MYCBP2: variants seen among roughly 807,000 people sequenced by gnomAD.
MYCBP2 encodes E3 ubiquitin-protein ligase MYCBP2.
MYCBP2 carries 120 observed loss-of-function variants against 525.3 expected under a neutral mutation model. That is an observed-to-expected ratio of 0.23 (90% CI 0.20 to 0.27). The LOEUF (loss-of-function observed/expected upper bound fraction) is 0.27, where lower values mean the gene tolerates loss of function less well. Among genes scored for constraint, MYCBP2 ranks in the 10% least tolerant of loss-of-function variants. The pLI, the probability that MYCBP2 is intolerant of heterozygous loss-of-function variation, is 1.00. For missense variants in MYCBP2, 4,149 were observed against 5,657.1 expected (o/e 0.73, Z 8.55); for synonymous variants, 1,894 against 1,955.8 (o/e 0.97, Z 0.83).
chr13:77,323,176 T>C (rs2081903980), intron 1 of MYCBP2, among the ~76,000 whole-genome samples: 1 of 152,208 alleles, frequency 6.6e-6, no homozygotes, highest in African/African-American at 2.4e-5. Context: ...ATAGAAGTTA[T>C]GTAATATACT....
Position 77,168,599 on chromosome 13 carries a change from A to C in MYCBP2, c.5943T>G (p.Val1981=). 1.2e-6 allele frequency: 2 copies of C among 1,614,198 alleles called. No individual in the cohort carries two copies. The highest frequency in any genetic ancestry group is 1.7e-6 in the Non-Finnish European group (2 of 1,180,034). ...GTGCATACTTCTGATTCAAAATGGCAACTGACGGAAGCAATTGTTGGACAA... is the reference window on the plus strand; with the variant it reads ...GTGCATACTTCTGATTCAAAATGGCCACTGACGGAAGCAATTGTTGGACAA... The part of the protein sequence containing the change: ...FGLVQQLLPS[V]AILNQKYAPP... The change falls in exon 40 of 83, where the codon GTT becomes GTG. Residue 1981 remains valine, a synonymous_variant. Transcript: ENST00000544440.
At chr13:77,251,119 C>T (rs774034902) in intron 15 of MYCBP2, 32 bp downstream of exon 15, 1 of 1,597,960 alleles carries the variant, frequency 6.3e-7, no homozygotes, top group Non-Finnish European at 8.6e-7. Flanking sequence ...GTGTTCTGCA[C>T]ATGTTCTTTA....
At chr13:77,303,732 A>T (rs965158332) in intron 1 of MYCBP2, among the ~76,000 whole-genome samples, 4 of 152,080 alleles carry the variant, frequency 2.6e-5, no homozygotes, top group Non-Finnish European at 5.9e-5. Flanking sequence ...TACTTCCACA[A>T]AATGCATCTC....
intron 26 of MYCBP2, among the ~76,000 whole-genome samples, chr13:77,204,105 A>G (rs2062981879): frequency 6.7e-6 from 1 of 150,166 alleles, no homozygotes; most frequent in Non-Finnish European, 1.5e-5. Context: ...CAGAGTGAAC[A>G]GGCAACCTAC....
intron 45 of MYCBP2, 129 bp downstream of exon 45, chr13:77,157,808 C>A (rs544874072): frequency 1.4e-6 from 1 of 726,924 alleles, no homozygotes; most frequent in East Asian, 2.9e-5. Context: ...TTTTATATTT[C>A]AGCAAGTTAA....
At chr13:77,185,471 G>C (rs2060634225) in intron 31 of MYCBP2, 94 bp from the exon 32 acceptor site, 1 of 1,247,422 alleles carries the variant, frequency 8.0e-7, no homozygotes, top group Non-Finnish European at 1.1e-6. Flanking sequence ...ATACAGCTAA[G>C]TATCACAAGT....
At chr13:77,275,990 C>CA (rs2075522363) in intron 4 of MYCBP2, among the ~76,000 whole-genome samples, 3 of 151,914 alleles carry the variant, frequency 2.0e-5, no homozygotes, top group African/African-American at 7.2e-5. Flanking sequence ...TCTCAAAAAA[C>CA]AAAAAAGGAC....
chr13:77,063,162 C>T lies in MYCBP2; in HGVS notation c.12673-465G>A, dbSNP rs533659826. 6.6e-5 allele frequency among the ~76,000 whole-genome samples: 10 copies of T among 152,254 alleles called. No homozygotes were observed. In the East Asian group the frequency reaches 9.7e-4, roughly 15 times the overall value. Reference sequence around the variant, plus strand: ...AAATCCTTCTAGATAATAAAAGTTCCTCAGAAGTCTTTGTTGCCCCTTGTT... The same window carrying T: ...AAATCCTTCTAGATAATAAAAGTTCTTCAGAAGTCTTTGTTGCCCCTTGTT... On this transcript the variant is annotated intron_variant, in intron 73 of 82. Coordinates refer to ENST00000544440, the MANE Select transcript of MYCBP2 (RefSeq NM_015057.5).
intron 26 of MYCBP2, among the ~76,000 whole-genome samples, chr13:77,196,797 C>A (rs764980515): frequency 1.3e-5 from 2 of 152,098 alleles, no homozygotes; most frequent in African/African-American, 4.8e-5. Context: ...CGTGGAGACA[C>A]AGCGTAGGCT....
At chr13:77,248,741 G>A (rs969746863) in intron 15 of MYCBP2, among the ~76,000 whole-genome samples, 19 of 152,216 alleles carry the variant, frequency 1.2e-4, no homozygotes, top group African/African-American at 4.6e-4. Flanking sequence ...TTACCATATA[G>A]TCCAACAATT....
intron 14 of MYCBP2, among the ~76,000 whole-genome samples, chr13:77,251,755 C>T (rs2071249311): frequency 6.6e-6 from 1 of 152,186 alleles, no homozygotes; most frequent in Admixed American, 6.5e-5. Context: ...TCCCAAAGCA[C>T]ATGACAACTT....
At chr13:77,190,159 A>G in intron 29 of MYCBP2, 93 bp downstream of exon 29, 2 of 672,272 alleles carry the variant, frequency 3.0e-6, no homozygotes, top group Non-Finnish European at 4.9e-6. Flanking sequence ...TGCTTCAAAT[A>G]ATTTCTCCCT....
chr13:77,313,995 AGAC>A (rs1215018138), intron 1 of MYCBP2, among the ~76,000 whole-genome samples: 2 of 152,194 alleles, frequency 1.3e-5, no homozygotes, highest in African/African-American at 4.8e-5. Flanking sequence ...TCCAGAACAT[AGAC>A]AACATCAAAT....
chr13:77,063,730 T>A (rs945760801), intron 73 of MYCBP2, among the ~76,000 whole-genome samples: 1 of 151,910 alleles, frequency 6.6e-6, no homozygotes, highest in African/African-American at 2.4e-5. Flanking sequence ...TGTTATTGGA[T>A]ACAGAAAGCA....
At chr13:77,195,530 G>C (rs1477153333) in intron 26 of MYCBP2, among the ~76,000 whole-genome samples, 1 of 152,158 alleles carries the variant, frequency 6.6e-6, no homozygotes, top group Non-Finnish European at 1.5e-5. Context: ...CCAGGAGGCA[G>C]AGGCTGCAGA....
chr13:77,268,112 CAT>C (rs1450702346), intron 7 of MYCBP2, among the ~76,000 whole-genome samples, 175 bp from the exon 8 acceptor site: 6 of 152,052 alleles, frequency 3.9e-5, no homozygotes, highest in Non-Finnish European at 7.4e-5. Flanking sequence ...GAGGAAAAGT[CAT>C]ACATTATTGA....
chr13:77,097,549 T>C lies in MYCBP2; in HGVS notation c.9605A>G (p.Asn3202Ser). Residue 3202 changes from asparagine to serine, a missense_variant, in exon 56 of 83, where the codon AAT becomes AGT. Physicochemically the swap from Asn to Ser is conservative, Grantham distance 46. This residue lies in a region of MYCBP2 where 653 missense variants were observed against 744.7 expected (regional missense o/e 0.88). Transcript: ENST00000544440. ...CTTTTTTTCCTTTTTGGACTTCTTATTCTCTTTCTCACACTCTTTCTTTTT... is the reference window on the plus strand; with the variant it reads ...CTTTTTTTCCTTTTTGGACTTCTTACTCTCTTTCTCACACTCTTTCTTTTT... The part of the protein sequence containing the change: ...VLKKKECEKE[N>S]KKSKKEKKKK... 6.2e-7 allele frequency: 1 copy of C among 1,612,882 alleles called. No homozygotes were observed.
chr13:77,313,001 G>A (rs748568394), intron 1 of MYCBP2, among the ~76,000 whole-genome samples: 2 of 151,798 alleles, frequency 1.3e-5, no homozygotes, highest in African/African-American at 2.4e-5. Context: ...CACCAAGACA[G>A]AACATATCCT....
intron 80 of MYCBP2, among the ~76,000 whole-genome samples, chr13:77,054,459 C>T (rs1291377405): frequency 6.6e-6 from 1 of 151,940 alleles, no homozygotes; most frequent in East Asian, 1.9e-4. Flanking sequence ...GTTCTACACC[C>T]GAGCTCAGGA....
Sources: allele counts gnomAD v4.1 joint callset (sites outside exome capture counted in the v4.1 genomes callset), GRCh38; gene constraint gnomAD v4.1.1; regional missense constraint gnomAD v4.1.1; transcripts MANE v1.5; gene names NCBI Gene and HGNC (gene_info 2026-07-23, HGNC 2026-07-21).